LUC7L: variants seen among roughly 807,000 people sequenced by gnomAD.
LUC7L encodes the protein putative RNA-binding protein Luc7-like 1.
In LUC7L, 29 loss-of-function variants were observed where a neutral mutation model predicts 51.1. The observed-to-expected ratio is 0.57, with a 90% CI of 0.42 to 0.77. LUC7L has a LOEUF of 0.77. Ranked by LOEUF, LUC7L falls within the 30% of genes least tolerant of loss-of-function variation. LUC7L has a pLI of 0.00. For synonymous variants in LUC7L, 181 were observed against 180.7 expected (o/e 1.00, Z -0.01); for missense variants, 403 against 511.9 (o/e 0.79, Z 2.05).
At chr16:222,391 C>A (rs1217695349) in intron 2 of LUC7L, among the ~76,000 whole-genome samples, 1 of 150,678 alleles carries the variant, frequency 6.6e-6, no homozygotes, top group African/African-American at 2.4e-5. Context: ...AATCCCAACA[C>A]CTTTGGGAGG....
At chr16:222,350 G>A (rs11641681) in intron 2 of LUC7L, among the ~76,000 whole-genome samples, 30,841 of 145,536 alleles carry the variant, frequency 0.21, 3,513 homozygotes, top group African/African-American at 0.28. Flanking sequence ...AAAAAAAGAC[G>A]TTAGTACCAG....
chr16:226,991 T>C (rs1342598779), intron 2 of LUC7L, among the ~76,000 whole-genome samples: 1 of 152,194 alleles, frequency 6.6e-6, no homozygotes, highest in Admixed American at 6.6e-5. Flanking sequence ...GTAGGATTGC[T>C]GGAGCCCAGG....
intron 6 of LUC7L, among the ~76,000 whole-genome samples, chr16:197,592 C>T (rs1055058918): frequency 6.6e-6 from 1 of 152,174 alleles, no homozygotes; most frequent in Non-Finnish European, 1.5e-5. Context: ...AAAATTCTCT[C>T]GGGAACACGG....
chr16:221,131 T>TGCCTCATTCTCCC (rs974918400), intron 2 of LUC7L, among the ~76,000 whole-genome samples: 12 of 149,932 alleles, frequency 8.0e-5, no homozygotes, highest in African/African-American at 2.9e-4. Flanking sequence ...GCAATTCTCC[T>TGCCTCATTCTCCC]GCCTCATTCT....
intron 3 of LUC7L, among the ~76,000 whole-genome samples, chr16:215,114 A>C (rs1262850558): frequency 2.6e-5 from 4 of 152,108 alleles, no homozygotes; most frequent in Non-Finnish European, 5.9e-5. Context: ...AGTTACGATA[A>C]ACATCTTTTC....
chr16:189,069 A>G lies in LUC7L; in HGVS notation c.*129T>C. ...GGAGCAACTCTGTACACTTCTAGAA[A>G]CTCACAGCTAGCTCCAAAACAATAG... On this transcript the variant is annotated 3_prime_UTR_variant, in exon 10 of 10. Coordinates refer to ENST00000293872, the MANE Select transcript of LUC7L (RefSeq NM_201412.3). 1 of 1,057,620 alleles carries G rather than the reference A, an allele frequency of 9.5e-7. No individual in the cohort carries two copies. Among genetic ancestry groups the G allele is most frequent in the Non-Finnish European group, 1.4e-6 (1 of 725,264 alleles). The allele number at this position is 1,057,620 out of a possible 1,614,324, so 65.5% of individuals were successfully genotyped here.
intron 6 of LUC7L, among the ~76,000 whole-genome samples, chr16:195,224 G>GACC (rs2049117251): frequency 2.0e-5 from 3 of 151,758 alleles, no homozygotes; most frequent in African/African-American, 7.3e-5. Context: ...AGGAGTTTGA[G>GACC]ACCAGCCTGG....
chr16:226,900 T>A (rs369939001), intron 2 of LUC7L, among the ~76,000 whole-genome samples: 1 of 152,302 alleles, frequency 6.6e-6, no homozygotes, highest in East Asian at 1.9e-4. Flanking sequence ...CATCAGGGAT[T>A]TCTGCCTGTT....
intron 6 of LUC7L, among the ~76,000 whole-genome samples, chr16:195,318 A>C (rs2049119543): frequency 6.6e-6 from 1 of 151,592 alleles, no homozygotes; most frequent in Non-Finnish European, 1.5e-5. Flanking sequence ...TACTCAGGAG[A>C]CTCAGGATGC....
chr16:190,669 C>A, intron 7 of LUC7L, 99 bp from the exon 8 acceptor site: 1 of 1,080,100 alleles, frequency 9.3e-7, no homozygotes. Context: ...CACCTGAGGT[C>A]ACGAGCTGGA....
At chr16:214,296 A>G (rs2142092265) in intron 3 of LUC7L, among the ~76,000 whole-genome samples, 1 of 140,546 alleles carries the variant, frequency 7.1e-6, no homozygotes, top group Non-Finnish European at 1.6e-5. Flanking sequence ...TCCTGACCTC[A>G]TGATCCACCC....
At chr16:196,427 C>CA (rs1280885414) in intron 6 of LUC7L, among the ~76,000 whole-genome samples, 2,591 of 148,512 alleles carry the variant, frequency 0.017, 22 homozygotes, top group African/African-American at 0.022. Flanking sequence ...AACAAACAAA[C>CA]AAAAAAAACC....
chr16:228,349 G>A, intron 1 of LUC7L: 1 of 1,304,092 alleles, frequency 7.7e-7, no homozygotes, highest in Non-Finnish European at 1.0e-6. Context: ...ATGAACATGA[G>A]GCTTTCTGCA....
intron 2 of LUC7L, among the ~76,000 whole-genome samples, chr16:222,026 C>T (rs1173267459): frequency 1.3e-5 from 2 of 152,146 alleles, no homozygotes; most frequent in East Asian, 1.9e-4. Flanking sequence ...CTCAGTTCCT[C>T]CATTTGACAA....
intron 3 of LUC7L, among the ~76,000 whole-genome samples, chr16:211,270 C>T (rs1306001549): frequency 6.6e-6 from 1 of 152,170 alleles, no homozygotes; most frequent in Non-Finnish European, 1.5e-5. Context: ...ATTGCTTACT[C>T]TGAAAAGGGT....
At chr16:228,900 CGGAA>C (rs1567197402) in intron 1 of LUC7L, 1 of 1,340,610 alleles carries the variant, frequency 7.5e-7, no homozygotes, top group Non-Finnish European at 9.8e-7. Flanking sequence ...CAAGGAGCCT[CGGAA>C]GAGTTCTGCC....
In LUC7L at chr16:203,087, G is replaced by A. The variant is rs548273428; in HGVS notation, c.510+2917C>T. ...AATCAGTTGAACCCAGGAGTTGGAGGTTGCAGCGAGCCATCGCACCACCGC... is the reference window on the plus strand; with the variant it reads ...AATCAGTTGAACCCAGGAGTTGGAGATTGCAGCGAGCCATCGCACCACCGC... On this transcript the variant is annotated intron_variant, in intron 5 of 9. Transcript: ENST00000293872. Among the ~76,000 whole-genome samples, 716 of 152,302 alleles carry A rather than the reference G, an allele frequency of 4.7e-3. 6 individuals are homozygous for A. The highest frequency in any genetic ancestry group is 0.017 in the African/African-American group (691 of 41,576).
chr16:192,030 T>C (rs905957705), intron 7 of LUC7L, among the ~76,000 whole-genome samples: 1 of 152,094 alleles, frequency 6.6e-6, no homozygotes, highest in African/African-American at 2.4e-5. Context: ...AAGCTGAGTG[T>C]GGCCAGAGGC....
At chr16:217,117 A>G (rs949368058) in intron 3 of LUC7L, among the ~76,000 whole-genome samples, 5 of 152,142 alleles carry the variant, frequency 3.3e-5, no homozygotes, top group Admixed American at 6.6e-5. Context: ...ACTGGGTTCA[A>G]GCCATTCTCC....
Sources: gnomAD v4.1 joint callset for allele counts (sites outside exome capture counted in the v4.1 genomes callset) on GRCh38, gnomAD v4.1.1 for gene constraint, MANE v1.5 for transcripts, NCBI Gene and HGNC (gene_info 2026-07-23, HGNC 2026-07-21) for gene names.